Variants in SLCO1C1 observed in about 807,000 individuals in gnomAD.
The protein encoded by SLCO1C1 is OAT-RP-5.
Under a neutral mutation model 76.4 loss-of-function variants are expected in SLCO1C1, and 70 were observed. That is an observed-to-expected ratio of 0.92 (90% confidence interval 0.76 to 1.12). SLCO1C1 has a LOEUF of 1.12. Among genes scored for constraint, SLCO1C1 ranks in the 50% most tolerant of loss-of-function variants. SLCO1C1 has a pLI of 0.00. For synonymous variants in SLCO1C1, 306 were observed against 286.1 expected, an observed-to-expected ratio of 1.07 and a Z score of -0.70; for missense variants, 912 against 823.8, an observed-to-expected ratio of 1.11 and a Z score of -1.31.
At chr12:20,717,866 C>G (rs1315460347) in intron 7 of SLCO1C1, among the ~76,000 whole-genome samples, 1 of 151,176 alleles carries the variant, frequency 6.6e-6, no homozygotes, top group Non-Finnish European at 1.5e-5. Context: ...AAATAGATGG[C>G]ATTTGTCAGT....
At chr12:20,727,641 C>CT (rs1396122367) in intron 9 of SLCO1C1, among the ~76,000 whole-genome samples, 1 of 152,204 alleles carries the variant, frequency 6.6e-6, no homozygotes, top group African/African-American at 2.4e-5. Context: ...TCCCGAGTAG[C>CT]TGGGACTACA....
chr12:20,733,538 T>G (rs1001034061), intron 10 of SLCO1C1, among the ~76,000 whole-genome samples: 1 of 152,210 alleles, frequency 6.6e-6, no homozygotes, highest in African/African-American at 2.4e-5. Flanking sequence ...TGAAAGTGAA[T>G]GCTACTTGCC....
At chr12:20,705,873 T>TA (rs2120638149) in intron 3 of SLCO1C1, 76 bp from the exon 4 acceptor site, 1 of 1,441,994 alleles carries the variant, frequency 6.9e-7, no homozygotes, top group South Asian at 1.2e-5. Context: ...TGGTCTGCTG[T>TA]ATACATTCAT....
At chr12:20,730,863 C>G (rs1948230415) in intron 9 of SLCO1C1, among the ~76,000 whole-genome samples, 2 of 152,170 alleles carry the variant, frequency 1.3e-5, no homozygotes, top group Admixed American at 1.3e-4. Context: ...GAGACACATA[C>G]TCAAACACCG....
At chr12:20,729,619 A>C (rs2120807858) in intron 9 of SLCO1C1, among the ~76,000 whole-genome samples, 1 of 151,984 alleles carries the variant, frequency 6.6e-6, no homozygotes, top group African/African-American at 2.4e-5. Flanking sequence ...GTCCCCTGGA[A>C]GCCCCATATG....
chr12:20,711,259 T>A, intron 4 of SLCO1C1, 127 bp from the exon 5 acceptor site: 1 of 1,058,094 alleles, frequency 9.5e-7, no homozygotes, highest in Non-Finnish European at 1.3e-6. Flanking sequence ...TGGCTTGATT[T>A]GGTGAATTAG....
In SLCO1C1 at chr12:20,723,117, T is replaced by C. The variant is rs1947762277; in HGVS notation, c.1049T>C (p.Phe350Ser). 15 of 1,603,480 alleles carry C rather than the reference T, an allele frequency of 9.4e-6. No homozygotes were observed. Among genetic ancestry groups the C allele is most frequent in the Non-Finnish European group, 1.2e-5 (14 of 1,177,216 alleles). ...RDFLPSLKNLFGNPVYFLYLC... is the reference protein window; with the variant it reads ...RDFLPSLKNLSGNPVYFLYLC... Reference sequence around the variant, plus strand: ...TTTCTTCCATCACTGAAGAATCTTTTTGGAAACCCAGTATACTTCCTATAT... The same window carrying C: ...TTTCTTCCATCACTGAAGAATCTTTCTGGAAACCCAGTATACTTCCTATAT... The change falls in exon 9 of 15, where the codon TTT (phenylalanine) becomes TCT (serine). Residue 350 changes from phenylalanine to serine, a missense_variant. Transcript: ENST00000266509.
In SLCO1C1 at chr12:20,752,604, C is replaced by T. The variant is rs567381018; in HGVS notation, c.*76C>T. The T allele has an allele frequency of 8.0e-7, 1 of 1,256,332 alleles. No individual in the cohort carries two copies. The highest frequency in any genetic ancestry group is 2.5e-5 in the East Asian group (1 of 40,414). 77.8% of individuals were successfully genotyped at this position (1,256,332 alleles called of 1,614,324 possible). ...CAAATAAATTGTAATCAAAAGAGCTCTAAATTTGTAATTTCTTTCTCCTTT... is the reference window on the plus strand; with the variant it reads ...CAAATAAATTGTAATCAAAAGAGCTTTAAATTTGTAATTTCTTTCTCCTTT... On this transcript the variant is annotated 3_prime_UTR_variant, in exon 15 of 15. Coordinates refer to ENST00000266509, the MANE Select transcript of SLCO1C1 (RefSeq NM_017435.5).
rs753127736 is a variant in SLCO1C1, at chr12:20,723,151, A to C, written c.1083A>C (p.Thr361=). The C allele has an allele frequency of 3.7e-6, 6 of 1,613,920 alleles. No homozygotes were observed. The South Asian group carries it at 6.6e-5, about 18-fold the overall frequency. The change falls in exon 9 of 15, where the codon ACA becomes ACC. Residue 361 remains threonine (T), a synonymous_variant. Coordinates refer to ENST00000266509, the MANE Select transcript of SLCO1C1 (RefSeq NM_017435.5). ...CAGTATACTTCCTATATTTATGTAC[A>C]AGCACTGTTCAGTTCAATTCTCTGT... The part of the protein sequence containing the change: ...GNPVYFLYLC[T]STVQFNSLFG...
At chr12:20,749,714 G>A (rs10841607) in intron 13 of SLCO1C1, among the ~76,000 whole-genome samples, 69,613 of 152,030 alleles carry the variant, frequency 0.46, 17,817 homozygotes, top group South Asian at 0.63. Flanking sequence ...TAGGGTTTCT[G>A]GCATGAATAA....
In SLCO1C1 at chr12:20,752,564, T is replaced by A; in HGVS notation, c.*36T>A. 1.3e-6 allele frequency: 2 copies of A among 1,484,898 alleles called. No homozygotes were observed. Among genetic ancestry groups the A allele is most frequent in the Non-Finnish European group, 1.8e-6 (2 of 1,101,698 alleles). The allele number at this position is 1,484,898 out of a possible 1,614,324, so 92.0% of individuals were successfully genotyped here. A position where few individuals can be genotyped will look rare whatever the true frequency, so the allele number is the denominator to read the frequency against. On this transcript the variant is annotated 3_prime_UTR_variant, in exon 15 of 15. Transcript: ENST00000266509. ...ACTGGAAGTCATGTCTTCTAATTGG[T>A]TGACATTTTGCAAACAAATAAATTG...
At chr12:20,749,238 G>A (rs1949181305) in intron 13 of SLCO1C1, among the ~76,000 whole-genome samples, 1 of 152,118 alleles carries the variant, frequency 6.6e-6, no homozygotes, top group African/African-American at 2.4e-5. Context: ...AGCATACAAA[G>A]CAATTTTATA....
intron 1 of SLCO1C1, among the ~76,000 whole-genome samples, chr12:20,699,137 G>T (rs1489519647): frequency 6.6e-6 from 1 of 152,006 alleles, no homozygotes; most frequent in Non-Finnish European, 1.5e-5. Context: ...GTTTTGCTAA[G>T]AAGATAGATT....
chr12:20,724,108 A>G (rs1361499141), intron 9 of SLCO1C1, among the ~76,000 whole-genome samples: 2 of 152,024 alleles, frequency 1.3e-5, no homozygotes, highest in Non-Finnish European at 2.9e-5. Flanking sequence ...AAAATTCTTG[A>G]TGTTAAGGTT....
intron 9 of SLCO1C1, among the ~76,000 whole-genome samples, chr12:20,723,463 T>C (rs993857275): frequency 6.6e-6 from 1 of 152,150 alleles, no homozygotes; most frequent in African/African-American, 2.4e-5. Flanking sequence ...AGTGATATCA[T>C]AGAGATGAAA....
chr12:20,705,451 A>G (rs1946726167), intron 3 of SLCO1C1, among the ~76,000 whole-genome samples: 1 of 151,958 alleles, frequency 6.6e-6, no homozygotes, highest in African/African-American at 2.4e-5. Context: ...ATTTGTGTAC[A>G]TGTGTTTCAT....
chr12:20,752,175 A>C, intron 14 of SLCO1C1, 131 bp from the exon 15 acceptor site: 1 of 579,130 alleles, frequency 1.7e-6, no homozygotes, highest in Non-Finnish European at 2.9e-6. Context: ...GTATTTCATA[A>C]AACAGTCTTT....
intron 6 of SLCO1C1, 64 bp downstream of exon 6, chr12:20,715,349 C>T (rs1420408199): frequency 1.9e-6 from 3 of 1,566,872 alleles, no homozygotes; most frequent in Non-Finnish European, 1.7e-6. Context: ...TTCTGAATTC[C>T]CCTCTATGCT....
At chr12:20,724,904 A>G (rs749593854) in intron 9 of SLCO1C1, among the ~76,000 whole-genome samples, 71 of 145,162 alleles carry the variant, frequency 4.9e-4, no homozygotes, top group Non-Finnish European at 9.6e-4. Flanking sequence ...AATTATACAT[A>G]CAATTATTTA....
Sources: gnomAD v4.1 joint callset for allele counts (sites outside exome capture counted in the v4.1 genomes callset) on GRCh38, gnomAD v4.1.1 for gene constraint, MANE v1.5 for transcripts, NCBI Gene and HGNC (gene_info 2026-07-23, HGNC 2026-07-21) for gene names.